The following ZNF778 variants were observed in gnomAD, a reference collection of about 807,000 sequenced individuals.
ZNF778 encodes zinc finger protein 778.
In ZNF778, 37 loss-of-function variants were observed where a neutral mutation model predicts 23.9. That is an observed-to-expected ratio of 1.54 (90% CI 1.19 to 2.03). The LOEUF (loss-of-function observed/expected upper bound fraction) is 2.03, where lower values mean the gene tolerates loss of function less well. ZNF778 is among the 30% of genes most tolerant of loss of function. ZNF778 has a pLI of 0.00. For synonymous variants in ZNF778, 483 were observed against 343.9 expected (o/e 1.40, Z -4.48); for missense variants, 1,297 against 934.4 (o/e 1.39, Z -5.06).
chr16:89,232,519 C>A lies in ZNF778; in HGVS notation c.*3957C>A. The stretch of plus-strand genomic sequence containing the variant: ...GATACCTGTATTTCTCTTCCTAACT[C>A]TCAGAACGTGTTCTGTGTCACTTAG... On this transcript the variant is annotated 3_prime_UTR_variant, in exon 7 of 7. Transcript: ENST00000433976. 1.4e-6 allele frequency: 1 copy of A among 728,358 alleles called. No individual in the cohort carries two copies. Among genetic ancestry groups the A allele is most frequent in the Non-Finnish European group, 1.9e-6 (1 of 523,892 alleles). 45.1% of individuals were successfully genotyped at this position (728,358 alleles called of 1,614,324 possible). A position where few individuals can be genotyped will look rare whatever the true frequency, so the allele number is the denominator to read the frequency against.
chr16:89,220,697 C>T (rs1435526610), intron 1 of ZNF778, among the ~76,000 whole-genome samples: 3 of 152,100 alleles, frequency 2.0e-5, no homozygotes, highest in African/African-American at 7.2e-5. Context: ...GAACATGTAC[C>T]AGCTAACCGT....
rs763183105 is a variant in ZNF778 at position 89,227,016 on chromosome 16, G to A, written c.728G>A (p.Arg243His). The part of the protein sequence containing the change: ...VFLNQSYLQA[R>H]AGSHNGEETW... Reference sequence around the variant, plus strand: ...CTTAATCAGTCATACCTTCAGGCACGTGCGGGAAGTCACAACGGAGAAGAA... The same window carrying A: ...CTTAATCAGTCATACCTTCAGGCACATGCGGGAAGTCACAACGGAGAAGAA... Residue 243 changes from arginine to histidine, a missense_variant, in exon 7 of 7, where the codon CGT (arginine) becomes CAT (histidine). Coordinates refer to ENST00000433976, the MANE Select transcript of ZNF778 (RefSeq NM_001201407.2). The A allele has an allele frequency of 1.3e-5, 21 of 1,613,864 alleles. No homozygotes were observed. In the East Asian group the frequency reaches 2.0e-4, roughly 15 times the overall value.
Position 89,224,863 on chromosome 16 carries a change from T to C in ZNF778, c.328+61T>C, listed in dbSNP as rs1276694348. The stretch of plus-strand genomic sequence containing the variant: ...TTAGCAGCTGTGGGAGGATCCTGAG[T>C]GTCAAGTTTAGCGGCTATGGAAGGA... On this transcript the variant is annotated intron_variant, in intron 5 of 6. Coordinates refer to ENST00000433976, the MANE Select transcript of ZNF778 (RefSeq NM_001201407.2). The C allele has an allele frequency of 3.3e-6, 4 of 1,220,692 alleles. No individual in the cohort carries two copies. The East Asian group carries it at 7.7e-5, about 23-fold the overall frequency. The allele number at this position is 1,220,692 out of a possible 1,614,324, so 75.6% of individuals were successfully genotyped here.
Position 89,228,417 on chromosome 16 carries a change from A to C in ZNF778, c.2129A>C (p.Tyr710Ser), listed in dbSNP as rs371238682. The change falls in exon 7 of 7, where the codon TAC (tyrosine) becomes TCC (serine). Residue 710 changes from tyrosine (Y) to serine (S), a missense_variant. By Grantham distance (144) the Tyr-to-Ser change is moderately radical. Coordinates refer to ENST00000433976, the MANE Select transcript of ZNF778 (RefSeq NM_001201407.2). The stretch of plus-strand genomic sequence containing the variant: ...AAATGTAAGGAATGTGGGAAAGCAT[A>C]CAATAGGTTTTATCTACTAAAAGAA... ...PYKCKECGKA[Y>S]NRFYLLKEHL... 1.2e-6 allele frequency: 2 copies of C among 1,613,930 alleles called. No homozygotes were observed. The highest frequency in any genetic ancestry group is 2.7e-5 in the African/African-American group (2 of 74,938).
Position 89,230,997 on chromosome 16 carries a change from C to T in ZNF778, c.*2435C>T, listed in dbSNP as rs4785628. The T allele has an allele frequency of 0.043, 6,551 of 151,856 alleles. 250 individuals are homozygous for T. Among genetic ancestry groups the T allele is most frequent in the East Asian group, 0.16 (827 of 5,160 alleles). 9.4% of individuals were successfully genotyped at this position (151,856 alleles called of 1,614,324 possible). ...CACCTTCCTGTCACATGTTTGAAAT[C>T]CTGGATGGACAGACCTGTGCACCTT... On this transcript the variant is annotated 3_prime_UTR_variant, in exon 7 of 7. Coordinates refer to ENST00000433976, the MANE Select transcript of ZNF778 (RefSeq NM_001201407.2).
chr16:89,228,045 T>TA lies in ZNF778; in HGVS notation c.1761dup (p.Pro588ThrfsTer3), dbSNP rs777575334. ...AAGCACATTCAGATTCACACTGGAA[T>TA]AAAACCTTATGAATGTAAGGACTGT... is the stretch of plus-strand genomic sequence containing the variant. On this transcript the variant is annotated frameshift_variant, in exon 7 of 7. Coordinates refer to ENST00000433976, the MANE Select transcript of ZNF778 (RefSeq NM_001201407.2). LOFTEE classifies it low-confidence loss of function (END_TRUNC). 1 of 1,589,330 alleles carries TA rather than the reference T, an allele frequency of 6.3e-7. No individual in the cohort carries two copies. The highest frequency in any genetic ancestry group is 8.6e-7 in the Non-Finnish European group (1 of 1,164,800).
In ZNF778 at chr16:89,234,449, C is replaced by T. The variant is rs137898146; in HGVS notation, c.*5887C>T. On this transcript the variant is annotated 3_prime_UTR_variant, in exon 7 of 7. Coordinates refer to ENST00000433976, the MANE Select transcript of ZNF778 (RefSeq NM_001201407.2). ...GATAGTATGAACATGGTTTTGCTTACGCTGGCTATTTTCCTTTTTGGATGA... is the reference window on the plus strand; with the variant it reads ...GATAGTATGAACATGGTTTTGCTTATGCTGGCTATTTTCCTTTTTGGATGA... 390 of 184,790 alleles carry T rather than the reference C, an allele frequency of 2.1e-3. 2 individuals carry two copies. Among genetic ancestry groups the T allele is most frequent in the Middle Eastern group, 7.7e-3 (3 of 392 alleles). 11.4% of individuals were successfully genotyped at this position (184,790 alleles called of 1,614,324 possible).
rs955811241 is a variant in ZNF778, at chr16:89,231,127, AGT to A, written c.*2569_*2570del. The stretch of plus-strand genomic sequence containing the variant: ...GTGCCATGTTTCTCTTGTGGGATTG[AGT>A]GTGGCTATTTAGCTCATCTGTTGCC... On this transcript the variant is annotated 3_prime_UTR_variant, in exon 7 of 7. Transcript: ENST00000433976. 8 of 152,314 alleles carry A rather than the reference AGT, an allele frequency of 5.3e-5. No individual in the cohort carries two copies. Among genetic ancestry groups the A allele is most frequent in the African/African-American group, 1.7e-4 (7 of 41,544 alleles). The allele number at this position is 152,314 out of a possible 1,614,324, so 9.4% of individuals were successfully genotyped here.
chr16:89,223,163 G>T lies in ZNF778; in HGVS notation c.124G>T (p.Val42Leu), dbSNP rs781756193. Reference sequence around the variant, plus strand: ...GTCATGTGTGATGATTTAGGACGCGGTGACCTTTGACGACGTGGCTGTGGA... The same window carrying T: ...GTCATGTGTGATGATTTAGGACGCGTTGACCTTTGACGACGTGGCTGTGGA... ...GWLINCYQDA[V>L]TFDDVAVDFT... is the part of the protein sequence containing the mutation. Residue 42 changes from valine (V) to leucine (L), a missense_variant, in exon 4 of 7, where the codon GTG (valine) becomes TTG (leucine). Physicochemically the swap from Val to Leu is conservative, Grantham distance 32 (BLOSUM62 1). Transcript: ENST00000433976. The T allele has an allele frequency of 6.2e-7, 1 of 1,613,070 alleles. No individual in the cohort carries two copies. The highest frequency in any genetic ancestry group is 2.2e-5 in the East Asian group (1 of 44,858).
chr16:89,221,185 C>A, intron 2 of ZNF778, 33 bp downstream of exon 2: 1 of 1,518,062 alleles, frequency 6.6e-7, no homozygotes, highest in East Asian at 2.5e-5. Flanking sequence ...CTCAGAGCCT[C>A]TGCTCTAGGT....
intron 1 of ZNF778, 21 bp from the exon 2 acceptor site, chr16:89,220,975 GC>G (rs2030875835): frequency 1.3e-6 from 1 of 766,032 alleles, no homozygotes; most frequent in African/African-American, 1.7e-5. Flanking sequence ...GGGAAGTAAT[GC>G]TTCTTCATCA....
rs71158785 is a variant in ZNF778, at chr16:89,232,646, T to TG, written c.*4084_*4085insG. 6 of 1,048,454 alleles carry TG rather than the reference T, an allele frequency of 5.7e-6. No homozygotes were observed. In the African/African-American group the frequency reaches 8.3e-5, roughly 14 times the overall value. 64.9% of individuals were successfully genotyped at this position (1,048,454 alleles called of 1,614,324 possible). ...AGGACCAATTGTATTAATTATGTTT[T>TG]TTTTTTTTTTGTTAGGGTACATTTT... On this transcript the variant is annotated 3_prime_UTR_variant, in exon 7 of 7. Coordinates refer to ENST00000433976, the MANE Select transcript of ZNF778 (RefSeq NM_001201407.2).
intron 2 of ZNF778, 65 bp downstream of exon 2, chr16:89,221,217 C>G (rs1227743287): frequency 4.6e-6 from 7 of 1,506,626 alleles, no homozygotes; most frequent in Admixed American, 4.0e-5. Flanking sequence ...GTGTGTGTAT[C>G]AGGCCCATGG....
At chr16:89,221,397 C>T (rs574578136) in intron 2 of ZNF778, among the ~76,000 whole-genome samples, 8 of 152,312 alleles carry the variant, frequency 5.3e-5, no homozygotes, top group South Asian at 4.1e-4. Context: ...TTCCTCAAGG[C>T]GTACCGTTCC....
At position 89,221,583 on chromosome 16, in the gene ZNF778, C is replaced by CTCTGTGTG. The variant is rs1047428867; in HGVS notation, c.25+432_25+433insCTGTGTGT. On this transcript the variant is annotated intron_variant, in intron 2 of 6. Coordinates refer to ENST00000433976, the MANE Select transcript of ZNF778 (RefSeq NM_001201407.2). Reference sequence around the variant, plus strand: ...TGTGTTTTCCTGAGGCACTGTATGGCTGTGTGTGTGTGTGTGTGTGTGTGT... The same window carrying CTCTGTGTG: ...TGTGTTTTCCTGAGGCACTGTATGGCTCTGTGTGTGTGTGTGTGTGTGTGTGTGTGTGT... 1.3e-3 allele frequency among the ~76,000 whole-genome samples: 179 copies of CTCTGTGTG among 141,520 alleles called. 1 individual carries two copies. Among genetic ancestry groups the CTCTGTGTG allele is most frequent in the Middle Eastern group, 3.5e-3 (1 of 284 alleles). The allele number at this position is 141,520 out of a possible 152,430, so 92.8% of individuals were successfully genotyped here.
chr16:89,220,424 G>A (rs1168100288), intron 1 of ZNF778, among the ~76,000 whole-genome samples: 4 of 152,178 alleles, frequency 2.6e-5, no homozygotes, highest in African/African-American at 4.8e-5. Flanking sequence ...TTGGGAGGCC[G>A]AGGTGGGCGG....
At position 89,229,293 on chromosome 16, in the gene ZNF778, A is replaced by C; in HGVS notation, c.*731A>C. 2 of 985,240 alleles carry C rather than the reference A, an allele frequency of 2.0e-6. No individual in the cohort carries two copies. The highest frequency in any genetic ancestry group is 2.4e-6 in the Non-Finnish European group (2 of 830,002). The allele number at this position is 985,240 out of a possible 1,614,324, so 61.0% of individuals were successfully genotyped here. A position where few individuals can be genotyped will look rare whatever the true frequency, so the allele number is the denominator to read the frequency against. On this transcript the variant is annotated 3_prime_UTR_variant, in exon 7 of 7. Coordinates refer to ENST00000433976, the MANE Select transcript of ZNF778 (RefSeq NM_001201407.2). The stretch of plus-strand genomic sequence containing the variant: ...TCTGGTTGGTTAGTCTTGAGGATCC[A>C]GATGTGATTCTGTGAGCAGTGTAAG...
rs541200877 is a variant in ZNF778 at position 89,229,788 on chromosome 16, G to A, written c.*1226G>A. The stretch of plus-strand genomic sequence containing the variant: ...GGATCCAGATGTGATTCTGTGAGCA[G>A]TGTAGGCTCTGGTTGGTTAGTCTTA... On this transcript the variant is annotated 3_prime_UTR_variant, in exon 7 of 7. Coordinates refer to ENST00000433976, the MANE Select transcript of ZNF778 (RefSeq NM_001201407.2). 2.0e-6 allele frequency: 2 copies of A among 984,432 alleles called. No individual in the cohort carries two copies. Among genetic ancestry groups the A allele is most frequent in the Admixed American group, 1.2e-4 (2 of 16,184 alleles). The allele number at this position is 984,432 out of a possible 1,614,324, so 61.0% of individuals were successfully genotyped here. A position where few individuals can be genotyped will look rare whatever the true frequency, so the allele number is the denominator to read the frequency against.
Position 89,226,927 on chromosome 16 carries a change from T to C in ZNF778, c.639T>C (p.Val213=), listed in dbSNP as rs371371835. 2 of 1,614,052 alleles carry C rather than the reference T, an allele frequency of 1.2e-6. No homozygotes were observed. Among genetic ancestry groups the C allele is most frequent in the Admixed American group, 1.7e-5 (1 of 60,030 alleles). The change falls in exon 7 of 7, where the codon GTT becomes GTC. Residue 213 remains valine (V), a synonymous_variant. Transcript: ENST00000433976. ...CGKAFSSTPN[V]VSQQACTRDR... ...AAGCCTTCAGCTCTACTCCAAATGT[T>C]GTTTCCCAGCAAGCATGCACTCGGG...
Sources: allele counts gnomAD v4.1 joint callset (sites outside exome capture counted in the v4.1 genomes callset), GRCh38; gene constraint gnomAD v4.1.1; transcripts MANE v1.5; gene names NCBI Gene and HGNC (gene_info 2026-07-23, HGNC 2026-07-21).